The following MBOAT2 variants were observed in gnomAD, a reference collection of about 807,000 sequenced individuals.
MBOAT2 encodes membrane bound glycerophospholipid O-acyltransferase 2.
A neutral mutation model predicts 63.4 loss-of-function variants in MBOAT2; 28 were observed. The ratio of observed to expected loss-of-function variants is 0.44; its 90% CI spans 0.33 to 0.61. MBOAT2 has a LOEUF of 0.61. Ranked by LOEUF, MBOAT2 falls within the 20% of genes least tolerant of loss-of-function variation. The pLI, the probability that MBOAT2 is intolerant of heterozygous loss-of-function variation, is 0.03. For missense variants in MBOAT2, 470 were observed against 605.8 expected, an observed-to-expected ratio of 0.78 and a Z score of 2.35; for synonymous variants, 211 against 215.6, an observed-to-expected ratio of 0.98 and a Z score of 0.19.
At chr2:8,866,836 T>C (rs532510925) in intron 9 of MBOAT2, among the ~76,000 whole-genome samples, 2 of 152,294 alleles carry the variant, frequency 1.3e-5, no homozygotes, top group Admixed American at 1.3e-4. Context: ...AATTTGTAAG[T>C]ATCTAGAAAT....
intron 4 of MBOAT2, among the ~76,000 whole-genome samples, chr2:8,907,484 A>G (rs1665420214): frequency 6.6e-6 from 1 of 152,190 alleles, no homozygotes; most frequent in Non-Finnish European, 1.5e-5. Flanking sequence ...GACCTGGGCT[A>G]CTTCCTCAAG....
intron 5 of MBOAT2, among the ~76,000 whole-genome samples, chr2:8,885,871 G>T (rs1042770978): frequency 2.6e-5 from 4 of 152,192 alleles, no homozygotes; most frequent in African/African-American, 9.7e-5. Context: ...GTTTCATCTA[G>T]GGGTGGTCCT....
chr2:8,947,542 A>T (rs1668500167), intron 2 of MBOAT2, among the ~76,000 whole-genome samples: 1 of 152,212 alleles, frequency 6.6e-6, no homozygotes, highest in African/African-American at 2.4e-5. Context: ...TTCAAAGGAC[A>T]GGCTAATGCA....
At chr2:8,879,739 G>A (rs957750296) in intron 6 of MBOAT2, among the ~76,000 whole-genome samples, 1 of 152,168 alleles carries the variant, frequency 6.6e-6, no homozygotes. Flanking sequence ...GACTCTTGGA[G>A]GCGAAATCAC....
At chr2:8,973,794 A>G (rs1670629249) in intron 1 of MBOAT2, among the ~76,000 whole-genome samples, 1 of 152,332 alleles carries the variant, frequency 6.6e-6, no homozygotes, top group African/African-American at 2.4e-5. Flanking sequence ...TCTATCAGAT[A>G]GACTTCAGCA....
chr2:8,997,332 G>A (rs1355377232), intron 1 of MBOAT2, among the ~76,000 whole-genome samples: 2 of 152,114 alleles, frequency 1.3e-5, no homozygotes, highest in Non-Finnish European at 2.9e-5. Context: ...AGGAGATGAA[G>A]GCTGTTTGTA....
At chr2:8,981,035 T>C (rs1033141837) in intron 1 of MBOAT2, among the ~76,000 whole-genome samples, 1 of 152,056 alleles carries the variant, frequency 6.6e-6, no homozygotes, top group Non-Finnish European at 1.5e-5. Context: ...TGCACACTGA[T>C]ATGCAAAGAT....
chr2:8,950,132 T>G (rs1668724902), intron 2 of MBOAT2, among the ~76,000 whole-genome samples: 1 of 152,214 alleles, frequency 6.6e-6, no homozygotes, highest in Admixed American at 6.5e-5. Context: ...ACATTATTAC[T>G]ATACAGAAAT....
intron 4 of MBOAT2, among the ~76,000 whole-genome samples, chr2:8,897,734 T>C (rs1336812265): frequency 1.3e-5 from 2 of 152,230 alleles, no homozygotes; most frequent in Non-Finnish European, 2.9e-5. Context: ...AGGGGACTTC[T>C]AAGAGGTCAT....
At chr2:8,914,422 T>C (rs1326648193) in intron 3 of MBOAT2, among the ~76,000 whole-genome samples, 1 of 152,114 alleles carries the variant, frequency 6.6e-6, no homozygotes, top group African/African-American at 2.4e-5. Flanking sequence ...TAACCAAGCA[T>C]TTATTTATAG....
intron 1 of MBOAT2, among the ~76,000 whole-genome samples, chr2:8,959,306 T>C (rs1324862040): frequency 6.6e-6 from 1 of 152,210 alleles, no homozygotes; most frequent in Non-Finnish European, 1.5e-5. Flanking sequence ...AATTTCCTTA[T>C]AGTTCACTAG....
At chr2:8,895,162 G>C (rs957201569) in intron 4 of MBOAT2, among the ~76,000 whole-genome samples, 2 of 152,244 alleles carry the variant, frequency 1.3e-5, no homozygotes, top group South Asian at 2.1e-4. Flanking sequence ...GGGAGCCACT[G>C]CTGGCTCACC....
intron 8 of MBOAT2, among the ~76,000 whole-genome samples, chr2:8,871,092 T>A (rs1662289463): frequency 6.6e-6 from 1 of 152,114 alleles, no homozygotes; most frequent in Non-Finnish European, 1.5e-5. Flanking sequence ...CTTCCCTGGC[T>A]AAAGCGGTAC....
Position 8,912,411 on chromosome 2 carries a change from GAAA to G in MBOAT2, c.300-3698_300-3696del, listed in dbSNP as rs1558607194. 8.7e-4 allele frequency among the ~76,000 whole-genome samples: 127 copies of G among 146,800 alleles called. 2 individuals are homozygous for G. The highest frequency in any genetic ancestry group is 1.8e-3 in the African/African-American group (72 of 39,476). On this transcript the variant is annotated intron_variant, in intron 3 of 12. Coordinates refer to ENST00000305997, the MANE Select transcript of MBOAT2 (RefSeq NM_138799.4). ...AGAAAGAAAGAAAGAAAGAAAGAAA[GAAA>G]GACAGGCCGGCCGGCCTTGAAAACC...
At chr2:8,937,110 G>T (rs1310266789) in intron 3 of MBOAT2, among the ~76,000 whole-genome samples, 1 of 152,174 alleles carries the variant, frequency 6.6e-6, no homozygotes, top group East Asian at 1.9e-4. Context: ...GTACGGTCTG[G>T]CAAGAGCTGC....
chr2:8,878,842 C>T (rs1045374386), intron 6 of MBOAT2, among the ~76,000 whole-genome samples: 4 of 151,874 alleles, frequency 2.6e-5, no homozygotes, highest in Non-Finnish European at 4.4e-5. Flanking sequence ...TTTGGGAGGC[C>T]GAGGCGGGCG....
chr2:8,860,318 A>C (rs186808767), intron 12 of MBOAT2, among the ~76,000 whole-genome samples: 169 of 152,062 alleles, frequency 1.1e-3, no homozygotes, highest in Admixed American at 3.5e-3. Flanking sequence ...TCCCCAAAGA[A>C]GTTCAGGACA....
intron 2 of MBOAT2, among the ~76,000 whole-genome samples, chr2:8,944,648 GACACACACAC>G (rs61107364): frequency 0.031 from 4,351 of 140,194 alleles, 219 homozygotes; most frequent in African/African-American, 0.1. Flanking sequence ...CTGTTTGACT[GACACACACAC>G]ACACACACAC....
rs984193405 is a variant in MBOAT2, at chr2:8,856,491, G to A, written c.*2188C>T. 2 of 151,976 alleles carry A rather than the reference G, an allele frequency of 1.3e-5. No individual in the cohort carries two copies. The highest frequency in any genetic ancestry group is 6.6e-5 in the Admixed American group (1 of 15,246). The allele number at this position is 151,976 out of a possible 1,614,324, so 9.4% of individuals were successfully genotyped here. ...TGAAAATGATCAAACATTTTACAGG[G>A]CAGGTACATTCCATGAACATTCTTT... On this transcript the variant is annotated 3_prime_UTR_variant, in exon 13 of 13. Coordinates refer to ENST00000305997, the MANE Select transcript of MBOAT2 (RefSeq NM_138799.4). The surrounding 1 kb of genome is among the most constrained non-coding windows in gnomAD (Gnocchi z 4.2).
Sources: gnomAD v4.1 joint callset for allele counts (sites outside exome capture counted in the v4.1 genomes callset) on GRCh38, gnomAD v4.1.1 for gene constraint, Gnocchi (gnomAD v3.1) non-coding constraint, MANE v1.5 for transcripts, NCBI Gene and HGNC (gene_info 2026-07-23, HGNC 2026-07-21) for gene names.